The following CTNNA2 variants were observed in gnomAD, a reference collection of about 807,000 sequenced individuals.
The protein encoded by CTNNA2 is catenin alpha-2.
CTNNA2 carries 42 observed loss-of-function variants against 101.0 expected under a neutral mutation model. That is an observed-to-expected ratio of 0.42 (90% CI 0.32 to 0.54). The LOEUF (loss-of-function observed/expected upper bound fraction) is 0.54, where lower values mean the gene tolerates loss of function less well. Ranked by LOEUF, CTNNA2 falls within the 20% of genes least tolerant of loss-of-function variation. The pLI, the probability that CTNNA2 is intolerant of heterozygous loss-of-function variation, is 0.14. For missense variants in CTNNA2, 871 were observed against 1,223.1 expected, an observed-to-expected ratio of 0.71 and a Z score of 4.29; for synonymous variants, 450 against 456.4, an observed-to-expected ratio of 0.99 and a Z score of 0.18.
At chr2:79,252,262 C>G (rs1342990153) in intron 2 of CTNNA2, among the ~76,000 whole-genome samples, 1 of 146,056 alleles carries the variant, frequency 6.8e-6, no homozygotes, top group Non-Finnish European at 1.6e-5. Flanking sequence ...TGAAACAGTC[C>G]CTCAAGTTAA....
intron 3 of CTNNA2, among the ~76,000 whole-genome samples, chr2:79,369,368 C>T (rs1291522900): frequency 6.6e-6 from 1 of 152,162 alleles, no homozygotes; most frequent in African/African-American, 2.4e-5. Flanking sequence ...CGAGCACTGC[C>T]AGCTGCTGCT....
Position 80,043,314 on chromosome 2 carries a change from C to T in CTNNA2, c.1056+133517C>T, listed in dbSNP as rs1403795292. On this transcript the variant is annotated intron_variant, in intron 7 of 18. Transcript: ENST00000402739. ...CTGGGTTCAAGCGATTCTCATGCCT[C>T]AGCCTCCTGAGTAGCTGGGACTACA... is the stretch of plus-strand genomic sequence containing the variant. Among the ~76,000 whole-genome samples the T allele has an allele frequency of 4.0e-5, 6 of 151,382 alleles. No individual in the cohort carries two copies. The East Asian group carries it at 9.8e-4, about 25-fold the overall frequency.
At chr2:79,521,908 G>A (rs893975951) in intron 1 of CTNNA2, among the ~76,000 whole-genome samples, 8 of 152,104 alleles carry the variant, frequency 5.3e-5, no homozygotes, top group African/African-American at 1.9e-4. Context: ...AAGTGGGCAA[G>A]CATACAAATA....
intron 7 of CTNNA2, among the ~76,000 whole-genome samples, chr2:80,341,102 A>T (rs1450940058): frequency 2.0e-5 from 3 of 152,156 alleles, no homozygotes; most frequent in Non-Finnish European, 4.4e-5. Flanking sequence ...CTCCCCCAGA[A>T]TGTGTATGTG....
chr2:80,422,530 T>C (rs1426522573), intron 9 of CTNNA2, among the ~76,000 whole-genome samples: 1 of 152,154 alleles, frequency 6.6e-6, no homozygotes. Flanking sequence ...TGGATCTCAG[T>C]GGGGAAATTT....
chr2:80,612,229 T>C (rs573123747), intron 17 of CTNNA2, among the ~76,000 whole-genome samples: 3 of 151,684 alleles, frequency 2.0e-5, no homozygotes, highest in African/African-American at 4.8e-5. Flanking sequence ...AAAGAGAAGA[T>C]TGGAGACTGA....
chr2:79,213,476 T>A (rs963215486), intron 2 of CTNNA2, among the ~76,000 whole-genome samples: 14 of 152,158 alleles, frequency 9.2e-5, no homozygotes, highest in African/African-American at 3.4e-4. Flanking sequence ...CTAGTTCGGC[T>A]TGCTGAGAGG....
intron 7 of CTNNA2, among the ~76,000 whole-genome samples, chr2:80,033,972 T>TAA (rs70940069): frequency 0.23 from 19,391 of 83,802 alleles, 2,322 homozygotes; most frequent in Non-Finnish European, 0.3. Flanking sequence ...GCTTATAATG[T>TAA]AAAAAAAAAA....
chr2:80,267,107 C>G (rs1252040628), intron 7 of CTNNA2, among the ~76,000 whole-genome samples: 1 of 152,166 alleles, frequency 6.6e-6, no homozygotes, highest in Non-Finnish European at 1.5e-5. Flanking sequence ...CTCAAGACAT[C>G]CTTCCCTGAG....
rs569786104 is a variant in CTNNA2 at position 79,705,705 on chromosome 2, T to C, written c.103-38682T>C. On this transcript the variant is annotated intron_variant, in intron 2 of 18. Transcript: ENST00000402739. ...CTTGAGGACCTATGTGAAATGGCAATTTGGATAGAAAAATAAAATCACCAA... is the reference window on the plus strand; with the variant it reads ...CTTGAGGACCTATGTGAAATGGCAACTTGGATAGAAAAATAAAATCACCAA... 1.3e-3 allele frequency among the ~76,000 whole-genome samples: 202 copies of C among 152,336 alleles called. 1 individual carries two copies. The highest frequency in any genetic ancestry group is 9.3e-3 in the South Asian group (45 of 4,822).
chr2:79,807,675 A>G (rs1676686978), intron 3 of CTNNA2, among the ~76,000 whole-genome samples: 1 of 152,210 alleles, frequency 6.6e-6, no homozygotes, highest in Non-Finnish European at 1.5e-5. Flanking sequence ...AATAGCAGTT[A>G]CATTACACAT....
intron 7 of CTNNA2, among the ~76,000 whole-genome samples, chr2:80,337,797 G>A (rs146571679): frequency 2.3e-4 from 35 of 152,220 alleles, no homozygotes; most frequent in African/African-American, 7.9e-4. Context: ...AATGTTTTAT[G>A]TCAAAAGGTA....
intron 2 of CTNNA2, among the ~76,000 whole-genome samples, chr2:79,725,376 C>T (rs942824817): frequency 3.3e-5 from 5 of 152,186 alleles, no homozygotes; most frequent in South Asian, 2.1e-4. Context: ...TAGGTTAATA[C>T]CATTGTTCAA....
intron 7 of CTNNA2, among the ~76,000 whole-genome samples, chr2:80,063,248 CTT>C (rs751255975): frequency 6.6e-6 from 1 of 152,094 alleles, no homozygotes; most frequent in South Asian, 2.1e-4. Context: ...TTCTCTCTCT[CTT>C]TCTCTCATTC....
chr2:79,266,282 A>G (rs1026302626), intron 2 of CTNNA2, among the ~76,000 whole-genome samples: 1 of 152,180 alleles, frequency 6.6e-6, no homozygotes, highest in South Asian at 2.1e-4. Flanking sequence ...GCTCCCAAGC[A>G]GTGACTTCTG....
At chr2:79,422,002 A>C (rs1461056326) in intron 4 of CTNNA2, among the ~76,000 whole-genome samples, 1 of 152,092 alleles carries the variant, frequency 6.6e-6, no homozygotes, top group Non-Finnish European at 1.5e-5. Context: ...AAAATACAAA[A>C]ATTAGCCAGG....
intron 9 of CTNNA2, among the ~76,000 whole-genome samples, chr2:80,516,833 A>G (rs2149564389): frequency 1.3e-5 from 2 of 152,354 alleles, no homozygotes; most frequent in South Asian, 4.1e-4. Flanking sequence ...CGGTAAATTA[A>G]TAGTCCTTAC....
chr2:80,225,864 T>C (rs1452909860), intron 7 of CTNNA2, among the ~76,000 whole-genome samples: 2 of 152,308 alleles, frequency 1.3e-5, no homozygotes, highest in East Asian at 1.9e-4. Context: ...GGATGTACTA[T>C]TAGTGTTTAT....
intron 1 of CTNNA2, among the ~76,000 whole-genome samples, chr2:79,522,596 TG>T (rs1390102613): frequency 6.6e-6 from 1 of 152,118 alleles, no homozygotes; most frequent in Non-Finnish European, 1.5e-5. Flanking sequence ...GGGGTGACCT[TG>T]TATTAGTACT....
Sources: gnomAD v4.1 joint callset for allele counts (sites outside exome capture counted in the v4.1 genomes callset) on GRCh38, gnomAD v4.1.1 for gene constraint, MANE v1.5 for transcripts, NCBI Gene and HGNC (gene_info 2026-07-23, HGNC 2026-07-21) for gene names.